ENOX1: variants seen among roughly 807,000 people sequenced by gnomAD.
The protein encoded by ENOX1 is candidate growth-related and time keeping constitutive hydroquinone (NADH) oxidase.
A neutral mutation model predicts 82.5 loss-of-function variants in ENOX1; 42 were observed. The observed-to-expected ratio is 0.51, with a 90% confidence interval of 0.40 to 0.66. ENOX1 has a LOEUF of 0.66. Among genes scored for constraint, ENOX1 ranks in the 30% least tolerant of loss-of-function variants. ENOX1 has a pLI of 0.00. For synonymous variants in ENOX1, 271 were observed against 282.2 expected (o/e 0.96, Z 0.40); for missense variants, 608 against 811.6 (o/e 0.75, Z 3.05).
chr13:43,534,884 T>C (rs2078385410), intron 2 of ENOX1, among the ~76,000 whole-genome samples: 1 of 152,192 alleles, frequency 6.6e-6, no homozygotes, highest in African/African-American at 2.4e-5. Flanking sequence ...TGACAACAGG[T>C]TAAGAAATCC....
intron 9 of ENOX1, among the ~76,000 whole-genome samples, chr13:43,329,017 G>C (rs1478297286): frequency 2.6e-5 from 4 of 152,210 alleles, no homozygotes; most frequent in African/African-American, 9.6e-5. Flanking sequence ...GAGAAGAGAA[G>C]AGAGTAGCTA....
chr13:43,369,147 A>G (rs546713060), intron 5 of ENOX1, among the ~76,000 whole-genome samples: 1 of 152,306 alleles, frequency 6.6e-6, no homozygotes, highest in East Asian at 1.9e-4. Context: ...TTCCTGTAAC[A>G]AGTCTGATTC....
At chr13:43,472,650 G>A (rs2058118676) in intron 3 of ENOX1, among the ~76,000 whole-genome samples, 1 of 152,148 alleles carries the variant, frequency 6.6e-6, no homozygotes, top group Non-Finnish European at 1.5e-5. Context: ...CTGGTATTTA[G>A]CCCACTGAGG....
intron 2 of ENOX1, among the ~76,000 whole-genome samples, chr13:43,489,920 C>T (rs2076562281): frequency 6.6e-6 from 1 of 152,140 alleles, no homozygotes; most frequent in Admixed American, 6.5e-5. Flanking sequence ...AATGTCTATC[C>T]TATGTCTGTC....
In ENOX1 at chr13:43,213,267, T is replaced by G. The variant is rs2041270335; in HGVS notation, c.*723A>C. Among the ~76,000 whole-genome samples, 1 of 152,172 alleles carries G rather than the reference T, an allele frequency of 6.6e-6. No individual in the cohort carries two copies. The highest frequency in any genetic ancestry group is 2.4e-5 in the African/African-American group (1 of 41,470). ...AGTACAAGACAATAACACTAGTTTT[T>G]CCTTTATTTACACTTTATGAAAACT... On this transcript the variant is annotated 3_prime_UTR_variant, in exon 17 of 17. Transcript: ENST00000690772.
At chr13:43,366,281 G>C (rs2050840179) in intron 5 of ENOX1, among the ~76,000 whole-genome samples, 1 of 136,268 alleles carries the variant, frequency 7.3e-6, no homozygotes, top group African/African-American at 2.7e-5. Flanking sequence ...AGGCTGACCA[G>C]CTTTTTTTTT....
intron 12 of ENOX1, among the ~76,000 whole-genome samples, chr13:43,277,036 C>T (rs1420972080): frequency 6.6e-6 from 1 of 152,126 alleles, no homozygotes; most frequent in African/African-American, 2.4e-5. Context: ...CATGGTGACC[C>T]CTGGGGGAGA....
intron 13 of ENOX1, among the ~76,000 whole-genome samples, 159 bp downstream of exon 13, chr13:43,269,311 T>C (rs922948277): frequency 6.6e-6 from 1 of 152,224 alleles, no homozygotes; most frequent in African/African-American, 2.4e-5. Flanking sequence ...AATGAGGTTA[T>C]AAATTCCGCA....
intron 1 of ENOX1, among the ~76,000 whole-genome samples, chr13:43,785,849 C>A (rs1952553468): frequency 6.6e-6 from 1 of 152,120 alleles, no homozygotes; most frequent in African/African-American, 2.4e-5. Flanking sequence ...TGTGGCCGTG[C>A]AGGGGGAGGA....
chr13:43,532,092 A>T (rs1196437568), intron 2 of ENOX1, among the ~76,000 whole-genome samples: 5 of 148,678 alleles, frequency 3.4e-5, no homozygotes, highest in Non-Finnish European at 7.4e-5. Context: ...AATTTAAAAA[A>T]AGAAAGTTAA....
At chr13:43,599,684 AC>A (rs1355612908) in intron 2 of ENOX1, among the ~76,000 whole-genome samples, 1 of 151,686 alleles carries the variant, frequency 6.6e-6, no homozygotes, top group Non-Finnish European at 1.5e-5. Flanking sequence ...CTAGTAAGAC[AC>A]CAGCCAGGGC....
chr13:43,298,466 G>A lies in ENOX1; in HGVS notation c.1326C>T (p.Ala442=). 1.2e-6 allele frequency: 2 copies of A among 1,614,048 alleles called. No homozygotes were observed. Among genetic ancestry groups the A allele is most frequent in the Non-Finnish European group, 1.7e-6 (2 of 1,180,014 alleles). ...ENDSLRWQLD[A]YRNEVELLKQ... is the part of the protein sequence containing the mutation. Reference sequence around the variant, plus strand: ...TCAGCAGCTCCACCTCATTCCTGTAGGCATCCAGCTGCCAGCGGAGACTGT... The same window carrying A: ...TCAGCAGCTCCACCTCATTCCTGTAAGCATCCAGCTGCCAGCGGAGACTGT... Residue 442 remains alanine (A), a synonymous_variant, in exon 12 of 17, where the codon GCC becomes GCT. Coordinates refer to ENST00000690772, the MANE Select transcript of ENOX1 (RefSeq NM_001347969.2).
chr13:43,659,467 A>G (rs2084610445), intron 2 of ENOX1, among the ~76,000 whole-genome samples: 2 of 151,852 alleles, frequency 1.3e-5, no homozygotes, highest in African/African-American at 4.8e-5. Flanking sequence ...TCCAGCCTGG[A>G]CGACAGAGTG....
At chr13:43,640,643 T>C (rs1449398691) in intron 2 of ENOX1, among the ~76,000 whole-genome samples, 1 of 152,070 alleles carries the variant, frequency 6.6e-6, no homozygotes, top group Admixed American at 6.6e-5. Context: ...TCATTCTCAA[T>C]AGGAAAAGAC....
chr13:43,657,382 A>G (rs1050495113), intron 2 of ENOX1, among the ~76,000 whole-genome samples: 1 of 152,190 alleles, frequency 6.6e-6, no homozygotes, highest in African/African-American at 2.4e-5. Flanking sequence ...GATTCCAGGT[A>G]TGCAATGAGG....
chr13:43,259,823 C>A (rs1204147897), intron 14 of ENOX1, among the ~76,000 whole-genome samples: 1 of 152,054 alleles, frequency 6.6e-6, no homozygotes, highest in Non-Finnish European at 1.5e-5. Flanking sequence ...AGGTGTGAAA[C>A]CTTATATTTG....
intron 3 of ENOX1, among the ~76,000 whole-genome samples, chr13:43,453,600 G>A (rs950919074): frequency 2.0e-5 from 3 of 152,184 alleles, no homozygotes; most frequent in African/African-American, 7.2e-5. Context: ...GTCCTCTGGT[G>A]TTAAAGGCAA....
chr13:43,623,110 C>A (rs2082811946), intron 2 of ENOX1, among the ~76,000 whole-genome samples: 1 of 152,242 alleles, frequency 6.6e-6, no homozygotes, highest in South Asian at 2.1e-4. Context: ...GCCACCATGC[C>A]CCCCTCAACA....
At chr13:43,457,514 G>A (rs2057287388) in intron 3 of ENOX1, among the ~76,000 whole-genome samples, 2 of 152,032 alleles carry the variant, frequency 1.3e-5, no homozygotes, top group South Asian at 4.1e-4. Context: ...AAGAAAGAAA[G>A]CAGAAAGGGA....
Sources: allele counts gnomAD v4.1 joint callset (sites outside exome capture counted in the v4.1 genomes callset), GRCh38; gene constraint gnomAD v4.1.1; transcripts MANE v1.5; gene names NCBI Gene and HGNC (gene_info 2026-07-23, HGNC 2026-07-21).